ASB13: variants seen among roughly 807,000 people sequenced by gnomAD.
ASB13 encodes ankyrin repeat and SOCS box protein 13.
ASB13 carries 33 observed loss-of-function variants against 28.8 expected under a neutral mutation model. The ratio of observed to expected loss-of-function variants is 1.15; its 90% CI spans 0.87 to 1.53. The LOEUF (loss-of-function observed/expected upper bound fraction) is 1.53. Ranked by LOEUF, ASB13 falls within the 40% of genes most tolerant of loss-of-function variation. The pLI is 0.00. For missense variants in ASB13, 414 were observed against 390.1 expected (o/e 1.06, Z -0.52); for synonymous variants, 182 against 172.9 (o/e 1.05, Z -0.41).
Position 5,664,996 on chromosome 10 carries a change from A to G in ASB13, c.43+1513T>C, listed in dbSNP as rs950262913. 2.6e-5 allele frequency among the ~76,000 whole-genome samples: 4 copies of G among 152,058 alleles called. No homozygotes were observed. The highest frequency in any genetic ancestry group is 9.7e-5 in the African/African-American group (4 of 41,418). On this transcript the variant is annotated intron_variant, in intron 1 of 5. Transcript: ENST00000357700. This position sits in a 1 kb window ranked among gnomAD's most constrained non-coding sequence, Gnocchi z 4.2. ...CTCAGTCTCCCAAGTAGCTGGAACT[A>G]CAGGCACCCGCCACAATGCTCGGCT...
intron 4 of ASB13, among the ~76,000 whole-genome samples, chr10:5,648,658 C>G (rs1834931050): frequency 6.6e-6 from 1 of 151,710 alleles, no homozygotes. Flanking sequence ...GGGCAAACAC[C>G]CACTCGGGCA....
In ASB13 at chr10:5,651,500, G is replaced by A. The variant is rs1002593448; in HGVS notation, c.232-137C>T. 1.6e-5 allele frequency: 15 copies of A among 956,600 alleles called. No individual in the cohort carries two copies. The Admixed American group carries it at 2.9e-4, about 18-fold the overall frequency. 59.3% of individuals were successfully genotyped at this position (956,600 alleles called of 1,614,324 possible). ...GCTTTGCTATTATGTGCTAGGCAAC[G>A]ACACTGAAAGAGATAGCACGTGGCT... is the stretch of plus-strand genomic sequence containing the variant. On this transcript the variant is annotated intron_variant, in intron 2 of 5. Transcript: ENST00000357700. The surrounding 1 kb of genome is among the most constrained non-coding windows in gnomAD (Gnocchi z 5.1).
In ASB13 at chr10:5,651,699, G is replaced by A. The variant is rs1834987320; in HGVS notation, c.232-336C>T. The A allele has an allele frequency of 9.8e-6, 2 of 203,158 alleles. No individual in the cohort carries two copies. Among genetic ancestry groups the A allele is most frequent in the Admixed American group, 6.0e-5 (1 of 16,730 alleles). The allele number at this position is 203,158 out of a possible 1,614,324, so 12.6% of individuals were successfully genotyped here. A position where few individuals can be genotyped will look rare whatever the true frequency, so the allele number is the denominator to read the frequency against. ...GCTGGGAAAGGCAGGCTTTAAAAAT[G>A]AGTTTTAAAAACCCTAACCTCAGCT... On this transcript the variant is annotated intron_variant, in intron 2 of 5. Transcript: ENST00000357700. This position sits in a 1 kb window ranked among gnomAD's most constrained non-coding sequence, Gnocchi z 5.1.
In ASB13 at chr10:5,649,085, C is replaced by G. The variant is rs116145945; in HGVS notation, c.402G>C (p.Arg134Ser). The G allele has an allele frequency of 1.3e-3, 2,032 of 1,614,226 alleles. 19 individuals carry two copies. The African/African-American group carries it at 0.022, about 18-fold the overall frequency. Residue 134 changes from arginine (R) to serine (S), a missense_variant, in exon 4 of 6, where the codon AGG becomes AGC. By Grantham distance (110) the Arg-to-Ser change is moderately radical (BLOSUM62 -1). Transcript: ENST00000357700. This position sits in a 1 kb window ranked among gnomAD's most constrained non-coding sequence, Gnocchi z 6.4. ...GATTGGCCCCGACGTCAATAAGAAG[C>G]CTCACACATTCGGAACTCCCTTAAG... ...ACMSGSSECV[R>S]LLIDVGANLE...
rs775884350 is a variant in ASB13 at position 5,652,711 on chromosome 10, G to A, written c.231+152C>T. 12 of 755,932 alleles carry A rather than the reference G, an allele frequency of 1.6e-5. No homozygotes were observed. Among genetic ancestry groups the A allele is most frequent in the Admixed American group, 3.7e-5 (1 of 26,668 alleles). The allele number at this position is 755,932 out of a possible 1,614,324, so 46.8% of individuals were successfully genotyped here. The stretch of plus-strand genomic sequence containing the variant: ...GTGACCTCCTAACAGCCAGGTCCAC[G>A]AGCACTTCTCAGCCATGGGCTTCCT... On this transcript the variant is annotated intron_variant, in intron 2 of 5. Transcript: ENST00000357700. This position sits in a 1 kb window ranked among gnomAD's most constrained non-coding sequence, Gnocchi z 5.0.
chr10:5,649,070 G>T lies in ASB13; in HGVS notation c.417C>A (p.Val139=). The change falls in exon 4 of 6, where the codon GTC becomes GTA. Residue 139 remains valine (V), a synonymous_variant. Coordinates refer to ENST00000357700, the MANE Select transcript of ASB13 (RefSeq NM_024701.4). This position sits in a 1 kb window ranked among gnomAD's most constrained non-coding sequence, Gnocchi z 6.4. ...AATCGTGCGCTTCCAGATTGGCCCC[G>T]ACGTCAATAAGAAGCCTCACACATT... is the stretch of plus-strand genomic sequence containing the variant. ...SSECVRLLID[V]GANLEAHDCH... is the part of the protein sequence containing the mutation. 6.2e-7 allele frequency: 1 copy of T among 1,614,220 alleles called. No individual in the cohort carries two copies. The highest frequency in any genetic ancestry group is 8.5e-7 in the Non-Finnish European group (1 of 1,180,044).
Position 5,652,798 on chromosome 10 carries a change from GA to G in ASB13, c.231+64del. 1 of 1,440,184 alleles carries G rather than the reference GA, an allele frequency of 6.9e-7. No individual in the cohort carries two copies. Among genetic ancestry groups the G allele is most frequent in the Non-Finnish European group, 9.2e-7 (1 of 1,089,768 alleles). The allele number at this position is 1,440,184 out of a possible 1,614,324, so 89.2% of individuals were successfully genotyped here. On this transcript the variant is annotated intron_variant, in intron 2 of 5. Coordinates refer to ENST00000357700, the MANE Select transcript of ASB13 (RefSeq NM_024701.4). The surrounding 1 kb of genome is among the most constrained non-coding windows in gnomAD (Gnocchi z 5.0). ...CCTCCCCTCTTTCCCAAGTTCTCCT[GA>G]GTCAACCTCCTCCATTCTGGCAGCT...
chr10:5,652,922 C>A lies in ASB13; in HGVS notation c.172G>T (p.Ala58Ser), dbSNP rs141742297. The change falls in exon 2 of 6, where the codon GCA becomes TCA. Residue 58 changes from alanine to serine, a missense_variant. Ala to Ser is a moderately conservative substitution (Grantham distance 99, BLOSUM62 1). Transcript: ENST00000357700. This position sits in a 1 kb window ranked among gnomAD's most constrained non-coding sequence, Gnocchi z 5.0. The stretch of plus-strand genomic sequence containing the variant: ...CGCGCCTGGCCCTGCAGACTGGCTG[C>A]GTGCAGGGGCGTGATGGAGTCCACG... ...VTVDSITPLH[A>S]ASLQGQARCV... 10 of 1,583,204 alleles carry A rather than the reference C, an allele frequency of 6.3e-6. No homozygotes were observed. Among genetic ancestry groups the A allele is most frequent in the Non-Finnish European group, 8.6e-6 (10 of 1,165,224 alleles).
chr10:5,641,653 A>T lies in ASB13; in HGVS notation c.709+117T>A. On this transcript the variant is annotated intron_variant, in intron 5 of 5. Transcript: ENST00000357700. This position sits in a 1 kb window ranked among gnomAD's most constrained non-coding sequence, Gnocchi z 8.4. ...TGCTTAAGGGTCTGTCCTAGCGCAG[A>T]GGACAGGAGCCAGGACTAACAGCCC... 9.0e-7 allele frequency: 1 copy of T among 1,116,354 alleles called. No homozygotes were observed. The highest frequency in any genetic ancestry group is 1.3e-6 in the Non-Finnish European group (1 of 794,422). 69.2% of individuals were successfully genotyped at this position (1,116,354 alleles called of 1,614,324 possible). A position where few individuals can be genotyped will look rare whatever the true frequency, so the allele number is the denominator to read the frequency against.
intron 1 of ASB13, among the ~76,000 whole-genome samples, chr10:5,657,547 G>A (rs1435261653): frequency 6.6e-6 from 1 of 152,172 alleles, no homozygotes; most frequent in African/African-American, 2.4e-5. Context: ...TGTGGAGAAA[G>A]TGGTACTCTT....
Position 5,642,582 on chromosome 10 carries a change from T to C in ASB13, c.518-621A>G. 8.4e-7 allele frequency: 1 copy of C among 1,186,304 alleles called. No homozygotes were observed. Among genetic ancestry groups the C allele is most frequent in the Non-Finnish European group, 1.1e-6 (1 of 922,042 alleles). 73.5% of individuals were successfully genotyped at this position (1,186,304 alleles called of 1,614,324 possible). On this transcript the variant is annotated intron_variant, in intron 4 of 5. Coordinates refer to ENST00000357700, the MANE Select transcript of ASB13 (RefSeq NM_024701.4). The surrounding 1 kb of genome is among the most constrained non-coding windows in gnomAD (Gnocchi z 4.1). ...ATTAAAAGTAAAGGTAAAAAAAAAT[T>C]TTTTTTTAAAAAAAAGAGCAGACAT... is the stretch of plus-strand genomic sequence containing the variant.
rs115489161 is a variant in ASB13, at chr10:5,660,843, G to A, written c.43+5666C>T. ...TGCCCAATTTTTCTGCTCAGTTCCC[G>A]GGCCCTCTGAGACCAGAGCCCCTCC... On this transcript the variant is annotated intron_variant, in intron 1 of 5. Coordinates refer to ENST00000357700, the MANE Select transcript of ASB13 (RefSeq NM_024701.4). The surrounding 1 kb of genome is among the most constrained non-coding windows in gnomAD (Gnocchi z 6.1). Among the ~76,000 whole-genome samples, 275 of 152,030 alleles carry A rather than the reference G, an allele frequency of 1.8e-3. No individual in the cohort carries two copies. The highest frequency in any genetic ancestry group is 6.2e-3 in the African/African-American group (259 of 41,444).
chr10:5,642,578 A>AT lies in ASB13; in HGVS notation c.518-618_518-617insA, dbSNP rs1834825743. 1 of 1,225,990 alleles carries AT rather than the reference A, an allele frequency of 8.2e-7. No individual in the cohort carries two copies. Among genetic ancestry groups the AT allele is most frequent in the African/African-American group, 1.6e-5 (1 of 62,666 alleles). The allele number at this position is 1,225,990 out of a possible 1,614,324, so 75.9% of individuals were successfully genotyped here. A position where few individuals can be genotyped will look rare whatever the true frequency, so the allele number is the denominator to read the frequency against. On this transcript the variant is annotated intron_variant, in intron 4 of 5. Transcript: ENST00000357700. This position sits in a 1 kb window ranked among gnomAD's most constrained non-coding sequence, Gnocchi z 4.1. ...GCTGATTAAAAGTAAAGGTAAAAAAAAATTTTTTTTTAAAAAAAAGAGCAG... is the reference window on the plus strand; with the variant it reads ...GCTGATTAAAAGTAAAGGTAAAAAAATAATTTTTTTTTAAAAAAAAGAGCAG...
At chr10:5,646,402 G>C (rs1462516593) in intron 4 of ASB13, among the ~76,000 whole-genome samples, 1 of 152,238 alleles carries the variant, frequency 6.6e-6, no homozygotes, top group Non-Finnish European at 1.5e-5. Context: ...TGTGTGAAAA[G>C]GGATTTTCCA....
chr10:5,658,435 AAC>A lies in ASB13; in HGVS notation c.44-5387_44-5386del, dbSNP rs951430196. ...GACTTTGTCTGAAAAAAAAAAAAAA[AAC>A]AAAACCAAATAAGCCATTTCTGAAA... On this transcript the variant is annotated intron_variant, in intron 1 of 5. Coordinates refer to ENST00000357700, the MANE Select transcript of ASB13 (RefSeq NM_024701.4). This position sits in a 1 kb window ranked among gnomAD's most constrained non-coding sequence, Gnocchi z 4.2. Among the ~76,000 whole-genome samples, 18 of 152,166 alleles carry A rather than the reference AAC, an allele frequency of 1.2e-4. No individual in the cohort carries two copies. The highest frequency in any genetic ancestry group is 4.3e-4 in the African/African-American group (18 of 41,536).
At position 5,663,182 on chromosome 10, in the gene ASB13, A is replaced by T. The variant is rs1266960019; in HGVS notation, c.43+3327T>A. ...GACAAAATGGTCAAAACTCAGTAAG[A>T]GTGGAGAAAAGAAAGGGAAAGAATA... On this transcript the variant is annotated intron_variant, in intron 1 of 5. Transcript: ENST00000357700. The surrounding 1 kb of genome is among the most constrained non-coding windows in gnomAD (Gnocchi z 4.9). Among the ~76,000 whole-genome samples, 1 of 152,210 alleles carries T rather than the reference A, an allele frequency of 6.6e-6. No individual in the cohort carries two copies. Among genetic ancestry groups the T allele is most frequent in the Non-Finnish European group, 1.5e-5 (1 of 68,038 alleles).
At position 5,663,373 on chromosome 10, in the gene ASB13, A is replaced by G. The variant is rs568195215; in HGVS notation, c.43+3136T>C. Among the ~76,000 whole-genome samples, 1 of 152,066 alleles carries G rather than the reference A, an allele frequency of 6.6e-6. No homozygotes were observed. Among genetic ancestry groups the G allele is most frequent in the Non-Finnish European group, 1.5e-5 (1 of 68,004 alleles). ...ACTGGATTCGCTGCATTATCCTTCAATGTCTCCTCCCCTGACTCCCTCATC... is the reference window on the plus strand; with the variant it reads ...ACTGGATTCGCTGCATTATCCTTCAGTGTCTCCTCCCCTGACTCCCTCATC... On this transcript the variant is annotated intron_variant, in intron 1 of 5. Transcript: ENST00000357700. The surrounding 1 kb of genome is among the most constrained non-coding windows in gnomAD (Gnocchi z 4.9).
chr10:5,642,878 C>T lies in ASB13; in HGVS notation c.518-917G>A, dbSNP rs933522775. ...CAGGTTGGTCTCGAACTCCTGGCTA[C>T]GGGCATGAGCCACCACACCTGGTCA... is the stretch of plus-strand genomic sequence containing the variant. On this transcript the variant is annotated intron_variant, in intron 4 of 5. Coordinates refer to ENST00000357700, the MANE Select transcript of ASB13 (RefSeq NM_024701.4). The surrounding 1 kb of genome is among the most constrained non-coding windows in gnomAD (Gnocchi z 4.1). Among the ~76,000 whole-genome samples the T allele has an allele frequency of 3.3e-5, 5 of 151,916 alleles. No homozygotes were observed. The highest frequency in any genetic ancestry group is 1.3e-4 in the Admixed American group (2 of 15,254).
At chr10:5,640,903 C>T in intron 5 of ASB13, 73 bp from the exon 6 acceptor site, 9 of 1,568,204 alleles carry the variant, frequency 5.7e-6, no homozygotes, top group Middle Eastern at 1.7e-4. Context: ...GGAACACAAA[C>T]TCAGAGGGAA....
Sources: allele counts gnomAD v4.1 joint callset (sites outside exome capture counted in the v4.1 genomes callset), GRCh38; gene constraint gnomAD v4.1.1; non-coding constraint Gnocchi (gnomAD v3.1); transcripts MANE v1.5; gene names NCBI Gene and HGNC (gene_info 2026-07-23, HGNC 2026-07-21).